The following LSAMP variants were observed in gnomAD, a reference collection of about 807,000 sequenced individuals.
LSAMP encodes the protein limbic system associated membrane protein.
In LSAMP, 7 loss-of-function variants were observed where a neutral mutation model predicts 38.6. That is an observed-to-expected ratio of 0.18 (90% CI 0.10 to 0.34). LSAMP has a LOEUF of 0.34. LSAMP is among the 10% of genes least tolerant of loss of function. The pLI, the probability that LSAMP is intolerant of heterozygous loss-of-function variation, is 1.00. For missense variants in LSAMP, 313 were observed against 420.0 expected, an observed-to-expected ratio of 0.75 and a Z score of 2.23; for synonymous variants, 154 against 166.8, an observed-to-expected ratio of 0.92 and a Z score of 0.59.
At chr3:116,080,134 C>A (rs897256277) in intron 2 of LSAMP, among the ~76,000 whole-genome samples, 4 of 152,152 alleles carry the variant, frequency 2.6e-5, no homozygotes, top group African/African-American at 7.2e-5. Context: ...GAGGCAGATA[C>A]AATAAGAAAT....
At chr3:115,856,643 C>T (rs1935518841) in intron 3 of LSAMP, among the ~76,000 whole-genome samples, 1 of 150,258 alleles carries the variant, frequency 6.7e-6, no homozygotes, top group Non-Finnish European at 1.5e-5. Context: ...GAAAAGAAAA[C>T]AGAAACTCCA....
At chr3:116,059,447 G>A (rs1941551774) in intron 2 of LSAMP, among the ~76,000 whole-genome samples, 1 of 152,090 alleles carries the variant, frequency 6.6e-6, no homozygotes, top group Non-Finnish European at 1.5e-5. Flanking sequence ...AAGATATCTA[G>A]CTCCTGAAAA....
chr3:116,239,950 T>C (rs956986801), intron 1 of LSAMP, among the ~76,000 whole-genome samples: 2 of 152,220 alleles, frequency 1.3e-5, no homozygotes, highest in African/African-American at 4.8e-5. Flanking sequence ...TATAATCTAC[T>C]CTGCCATTTA....
chr3:116,236,985 C>T (rs1383767719), intron 1 of LSAMP, among the ~76,000 whole-genome samples: 2 of 150,896 alleles, frequency 1.3e-5, no homozygotes, highest in Non-Finnish European at 3.0e-5. Flanking sequence ...CATATATACA[C>T]ATACATAGGT....
At chr3:116,331,966 T>C (rs2047858742) in intron 1 of LSAMP, among the ~76,000 whole-genome samples, 1 of 152,082 alleles carries the variant, frequency 6.6e-6, no homozygotes, top group Admixed American at 6.6e-5. Context: ...GCCTCCCAAG[T>C]AGCTGGGACT....
At chr3:116,328,174 C>T (rs562052353) in intron 1 of LSAMP, among the ~76,000 whole-genome samples, 1 of 152,244 alleles carries the variant, frequency 6.6e-6, no homozygotes, top group Admixed American at 6.5e-5. Context: ...TGATCTTCTC[C>T]CATAGTCAGT....
chr3:116,356,737 T>C (rs143994760), intron 1 of LSAMP, among the ~76,000 whole-genome samples: 41 of 152,342 alleles, frequency 2.7e-4, no homozygotes, highest in African/African-American at 7.0e-4. Context: ...CATAATCATT[T>C]TTTAATTAAA....
At chr3:116,267,677 CCCTCTGTTCTGACGCCAT>C (rs909779974) in intron 1 of LSAMP, among the ~76,000 whole-genome samples, 4 of 151,088 alleles carry the variant, frequency 2.6e-5, no homozygotes, top group African/African-American at 9.7e-5. Flanking sequence ...TAGTTTAAGA[CCCTCTGTTCTGACGCCAT>C]CCTCTGTTCG....
chr3:116,067,571 G>C (rs1015167197), intron 2 of LSAMP, among the ~76,000 whole-genome samples: 1 of 152,226 alleles, frequency 6.6e-6, no homozygotes, highest in Non-Finnish European at 1.5e-5. Flanking sequence ...TGGCACTGGT[G>C]AACTGGCAAA....
intron 2 of LSAMP, among the ~76,000 whole-genome samples, chr3:116,078,629 T>G (rs1043279634): frequency 1.3e-5 from 2 of 152,222 alleles, no homozygotes; most frequent in Non-Finnish European, 2.9e-5. Context: ...CCCGGCCCTA[T>G]CCTCTTTACT....
At chr3:116,330,927 T>A (rs561135842) in intron 1 of LSAMP, among the ~76,000 whole-genome samples, 1 of 152,196 alleles carries the variant, frequency 6.6e-6, no homozygotes, top group South Asian at 2.1e-4. Flanking sequence ...CAACAGAAAC[T>A]GTCCCTAAAA....
chr3:116,393,762 G>A (rs1054086953), intron 1 of LSAMP, among the ~76,000 whole-genome samples: 4 of 152,196 alleles, frequency 2.6e-5, no homozygotes, highest in African/African-American at 9.7e-5. Context: ...AGCTATTAAA[G>A]TAAGTCTGTA....
chr3:116,142,936 G>A (rs1331506149), intron 1 of LSAMP, among the ~76,000 whole-genome samples: 2 of 151,468 alleles, frequency 1.3e-5, no homozygotes, highest in Admixed American at 6.6e-5. Flanking sequence ...TCAGGATAGG[G>A]TTCACCTGAG....
At chr3:116,226,596 A>G (rs1262197186) in intron 1 of LSAMP, among the ~76,000 whole-genome samples, 1 of 152,210 alleles carries the variant, frequency 6.6e-6, no homozygotes. Flanking sequence ...GTCATTTAAC[A>G]TTGGTTGTTC....
intron 1 of LSAMP, among the ~76,000 whole-genome samples, chr3:116,168,147 A>G (rs1478357951): frequency 6.6e-6 from 1 of 152,226 alleles, no homozygotes; most frequent in African/African-American, 2.4e-5. Flanking sequence ...TCCTTTTTCT[A>G]AATAATACAA....
intron 3 of LSAMP, among the ~76,000 whole-genome samples, chr3:115,890,988 CT>C (rs1269291085): frequency 1.3e-5 from 2 of 151,906 alleles, no homozygotes; most frequent in Non-Finnish European, 2.9e-5. Context: ...TTGTGGGAGG[CT>C]TAGCTAGGAA....
intron 1 of LSAMP, among the ~76,000 whole-genome samples, chr3:116,114,519 G>A (rs1281985948): frequency 1.3e-5 from 2 of 151,488 alleles, no homozygotes; most frequent in African/African-American, 4.9e-5. Context: ...TTTTCCCCTG[G>A]GGACTTAGGG....
intron 2 of LSAMP, among the ~76,000 whole-genome samples, chr3:116,054,220 T>C (rs1418432422): frequency 6.6e-6 from 1 of 152,226 alleles, no homozygotes; most frequent in Non-Finnish European, 1.5e-5. Context: ...ACTCTGAAGC[T>C]ATGTTTTTGT....
chr3:115,816,682 TAAA>T, intron 6 of LSAMP: 1 of 1,216,910 alleles, frequency 8.2e-7, no homozygotes, highest in East Asian at 5.7e-5. Context: ...CAAAAACAAA[TAAA>T]AAATCTTTAT....
Sources: allele counts gnomAD v4.1 joint callset (sites outside exome capture counted in the v4.1 genomes callset), GRCh38; gene constraint gnomAD v4.1.1; transcripts MANE v1.5; gene names NCBI Gene and HGNC (gene_info 2026-07-23, HGNC 2026-07-21).